Variants in TAF3 observed in about 807,000 individuals in gnomAD.
TAF3 encodes TATA-box binding protein associated factor 3, also known as transcription initiation factor TFIID subunit 3.
A neutral mutation model predicts 80.6 loss-of-function variants in TAF3; 7 were observed. The observed-to-expected ratio is 0.09, with a 90% CI of 0.05 to 0.16. The LOEUF is 0.16. Ranked by LOEUF, TAF3 falls within the 10% of genes least tolerant of loss-of-function variation. The pLI, the probability that TAF3 is intolerant of heterozygous loss-of-function variation, is 1.00. For synonymous variants in TAF3, 444 were observed against 446.1 expected (o/e 1.00, Z 0.06); for missense variants, 921 against 1,140.2 (o/e 0.81, Z 2.77).
intron 2 of TAF3, among the ~76,000 whole-genome samples, chr10:7,883,291 T>C (rs1184974203): frequency 6.6e-6 from 1 of 152,234 alleles, no homozygotes. Flanking sequence ...GAGAACAAAC[T>C]AGTTATTTTG....
chr10:7,887,924 A>G (rs1196358698), intron 2 of TAF3, among the ~76,000 whole-genome samples: 2 of 152,168 alleles, frequency 1.3e-5, no homozygotes, highest in Non-Finnish European at 2.9e-5. Context: ...CAGACCAGCA[A>G]TATCAGAATA....
At chr10:7,926,198 C>T (rs975676339) in intron 2 of TAF3, among the ~76,000 whole-genome samples, 2 of 152,094 alleles carry the variant, frequency 1.3e-5, no homozygotes, top group African/African-American at 4.8e-5. Flanking sequence ...CCTAAATAAT[C>T]GTATGATATT....
At chr10:7,918,867 G>C (rs926564104) in intron 2 of TAF3, among the ~76,000 whole-genome samples, 1 of 152,144 alleles carries the variant, frequency 6.6e-6, no homozygotes, top group African/African-American at 2.4e-5. Context: ...AGGGATAGCA[G>C]GTGGAAGGAA....
At chr10:7,819,739 A>G (rs1467192838) in intron 1 of TAF3, among the ~76,000 whole-genome samples, 3 of 152,212 alleles carry the variant, frequency 2.0e-5, no homozygotes, top group African/African-American at 7.2e-5. Flanking sequence ...TTTTAGTTTC[A>G]AGTCATGATG....
chr10:7,966,930 A>G (rs543241173), intron 3 of TAF3, among the ~76,000 whole-genome samples: 37 of 152,228 alleles, frequency 2.4e-4, no homozygotes, highest in Non-Finnish European at 2.1e-4. Flanking sequence ...AAGACACAGA[A>G]ATCCAACTCT....
At chr10:7,999,771 T>C (rs1024048642) in intron 4 of TAF3, among the ~76,000 whole-genome samples, 1 of 152,162 alleles carries the variant, frequency 6.6e-6, no homozygotes, top group African/African-American at 2.4e-5. Context: ...TGTATTACTT[T>C]ATGTACGAAA....
intron 1 of TAF3, among the ~76,000 whole-genome samples, chr10:7,819,512 G>A (rs893519734): frequency 2.0e-5 from 3 of 152,180 alleles, no homozygotes; most frequent in Non-Finnish European, 4.4e-5. Context: ...AGTGGCTATC[G>A]AAGTAGGATA....
At chr10:7,883,889 A>C (rs562351306) in intron 2 of TAF3, among the ~76,000 whole-genome samples, 3 of 152,296 alleles carry the variant, frequency 2.0e-5, no homozygotes, top group Non-Finnish European at 4.4e-5. Flanking sequence ...ATCTAGTGAG[A>C]GCCTTCTTGC....
intron 2 of TAF3, among the ~76,000 whole-genome samples, chr10:7,840,442 G>C (rs1211199016): frequency 6.6e-6 from 1 of 151,196 alleles, no homozygotes; most frequent in Non-Finnish European, 1.5e-5. Context: ...ATGAGCCACC[G>C]CGCCCGGCCT....
At chr10:7,930,065 G>A (rs1384192233) in intron 2 of TAF3, among the ~76,000 whole-genome samples, 1 of 152,150 alleles carries the variant, frequency 6.6e-6, no homozygotes, top group Non-Finnish European at 1.5e-5. Flanking sequence ...AAGTGGGGTG[G>A]CACACACCTG....
chr10:7,842,167 T>TG (rs1836923962), intron 2 of TAF3, among the ~76,000 whole-genome samples: 1 of 94,490 alleles, frequency 1.1e-5, no homozygotes, highest in Non-Finnish European at 2.4e-5. Context: ...TTTTTTTGTT[T>TG]TTTTTTTTGT....
At chr10:7,969,895 TTCCTTCCTCCGTC>T (rs1435426095) in intron 3 of TAF3, among the ~76,000 whole-genome samples, 7 of 152,200 alleles carry the variant, frequency 4.6e-5, no homozygotes, top group Non-Finnish European at 1.0e-4. Flanking sequence ...GACCCTCTGC[TTCCTTCCTCCGTC>T]TCCTTCCTCC....
At chr10:8,008,719 C>G (rs1406742171) in intron 4 of TAF3, among the ~76,000 whole-genome samples, 1 of 152,162 alleles carries the variant, frequency 6.6e-6, no homozygotes, top group Non-Finnish European at 1.5e-5. Flanking sequence ...TGTCAGGCCC[C>G]CCCGAGGACT....
chr10:7,835,548 C>T (rs542094876), intron 2 of TAF3, among the ~76,000 whole-genome samples: 4 of 152,172 alleles, frequency 2.6e-5, no homozygotes, highest in Admixed American at 6.5e-5. Context: ...GTCCTCTCAG[C>T]GAGGCTCTGT....
chr10:7,842,903 G>T (rs1317912450), intron 2 of TAF3, among the ~76,000 whole-genome samples: 1 of 152,204 alleles, frequency 6.6e-6, no homozygotes, highest in African/African-American at 2.4e-5. Flanking sequence ...TGTAATGGTT[G>T]TCATACTTTG....
chr10:7,998,265 GTATATA>G (rs58358249), intron 4 of TAF3, among the ~76,000 whole-genome samples: 2 of 133,102 alleles, frequency 1.5e-5, no homozygotes, highest in African/African-American at 2.9e-5. Context: ...ATATATATAT[GTATATA>G]TATATATATA....
At chr10:7,878,712 TG>T (rs1445648110) in intron 2 of TAF3, among the ~76,000 whole-genome samples, 1 of 150,192 alleles carries the variant, frequency 6.7e-6, no homozygotes, top group Non-Finnish European at 1.5e-5. Flanking sequence ...TATGTATGTA[TG>T]TATGTATGTA....
chr10:7,947,889 G>C (rs1358564076), intron 2 of TAF3, among the ~76,000 whole-genome samples: 1 of 152,146 alleles, frequency 6.6e-6, no homozygotes, highest in Non-Finnish European at 1.5e-5. Context: ...AGAAGCAGCG[G>C]TCATATTTAG....
rs1223691713 is a variant in TAF3, at chr10:7,934,459, A to ATTTT, written c.410-29458_410-29457insTTTT. 1.1e-4 allele frequency among the ~76,000 whole-genome samples: 16 copies of ATTTT among 152,162 alleles called. 3 individuals carry two copies. Among genetic ancestry groups the ATTTT allele is most frequent in the South Asian group, 6.2e-4 (3 of 4,826 alleles). ...CTGTTATTTATTTATTTATTTATTT[A>ATTTT]TTTGAGACAGAGTCTTGTTCTGTCA... On this transcript the variant is annotated intron_variant, in intron 2 of 6. Transcript: ENST00000344293.
Sources: allele counts gnomAD v4.1 joint callset (sites outside exome capture counted in the v4.1 genomes callset), GRCh38; gene constraint gnomAD v4.1.1; transcripts MANE v1.5; gene names NCBI Gene and HGNC (gene_info 2026-07-23, HGNC 2026-07-21).